The following A2M variants were observed in gnomAD, a reference collection of about 807,000 sequenced individuals.
A2M encodes C3 and PZP-like alpha-2-macroglobulin domain-containing protein 5.
A neutral mutation model predicts 183.9 loss-of-function variants in A2M; 128 were observed. The ratio of observed to expected loss-of-function variants is 0.70; its 90% confidence interval spans 0.60 to 0.81. The LOEUF (loss-of-function observed/expected upper bound fraction) is 0.81, where lower values mean the gene tolerates loss of function less well. A2M is among the 30% of genes least tolerant of loss of function. The pLI, the probability that A2M is intolerant of heterozygous loss-of-function variation, is 0.00. For synonymous variants in A2M, 592 were observed against 670.8 expected (o/e 0.88, Z 1.81); for missense variants, 1,495 against 1,787.6 (o/e 0.84, Z 2.95).
At chr12:9,087,717 C>A (rs1299998734) in intron 22 of A2M, among the ~76,000 whole-genome samples, 2 of 152,040 alleles carry the variant, frequency 1.3e-5, no homozygotes, top group African/African-American at 4.8e-5. Context: ...ACATTTTATT[C>A]ATAAATCATA....
intron 15 of A2M, among the ~76,000 whole-genome samples, chr12:9,097,947 C>T (rs746760932): frequency 2.6e-5 from 4 of 152,270 alleles, no homozygotes; most frequent in African/African-American, 9.6e-5. Flanking sequence ...CTTATAAAAA[C>T]GGAAATCTGA....
At chr12:9,068,071 G>C in intron 35 of A2M, 112 bp downstream of exon 35, 1 of 1,249,328 alleles carries the variant, frequency 8.0e-7, no homozygotes, top group Non-Finnish European at 1.1e-6. Context: ...TGTGCAGTGT[G>C]AGTAATTTGA....
chr12:9,068,332 C>G (rs1268708642), intron 34 of A2M, 108 bp from the exon 35 acceptor site: 2 of 1,111,988 alleles, frequency 1.8e-6, no homozygotes, highest in South Asian at 2.9e-5. Context: ...GTGGGAAGAA[C>G]AGTATTGTAC....
intron 15 of A2M, 82 bp downstream of exon 15, chr12:9,098,525 T>C: frequency 6.8e-7 from 1 of 1,463,410 alleles, no homozygotes; most frequent in Non-Finnish European, 9.2e-7. Context: ...TAATTGATCT[T>C]ATCCTACTTA....
At chr12:9,113,615 A>T (rs182105162) in intron 1 of A2M, 72 bp from the exon 2 acceptor site, 2 of 1,414,076 alleles carry the variant, frequency 1.4e-6, no homozygotes, top group African/African-American at 2.8e-5. Flanking sequence ...ACTTTTTTCC[A>T]TCATCATAAT....
At chr12:9,110,163 G>A in intron 5 of A2M, 128 bp from the exon 6 acceptor site, 2 of 1,162,184 alleles carry the variant, frequency 1.7e-6, no homozygotes, top group Non-Finnish European at 2.4e-6. Flanking sequence ...GTGAGTAGAG[G>A]AGATGAGTTA....
At chr12:9,104,435 T>C (rs766271058) in intron 10 of A2M, 35 bp from the exon 11 acceptor site, 90 of 1,543,740 alleles carry the variant, frequency 5.8e-5, no homozygotes, top group Non-Finnish European at 7.0e-5. Flanking sequence ...GTTATATTGG[T>C]AATAACTAAT....
chr12:9,069,687 G>T, intron 33 of A2M, 58 bp downstream of exon 33: 1 of 1,349,256 alleles, frequency 7.4e-7, no homozygotes, highest in Non-Finnish European at 1.0e-6. Flanking sequence ...CTTCCCAGAT[G>T]TTCCCTTAGA....
Position 9,115,815 on chromosome 12 carries a change from A to G in A2M, c.35T>C (p.Val12Ala), listed in dbSNP as rs1226874172. ...GKNKLLHPSL[V>A]LLLLVLLPTD... is the part of the protein sequence containing the mutation. The stretch of plus-strand genomic sequence containing the variant: ...GGGCAGGAGGACCAAGAGGAGAAGA[A>G]CCAGACTTGGATGAAGGAGTTTGTT... Residue 12 changes from valine (V) to alanine (A), a missense_variant, in exon 1 of 36, where the codon GTT (valine) becomes GCT (alanine). Physicochemically the swap from Val to Ala is moderately conservative, Grantham distance 64. Coordinates refer to ENST00000318602, the MANE Select transcript of A2M (RefSeq NM_000014.6). 4 of 1,613,498 alleles carry G rather than the reference A, an allele frequency of 2.5e-6. No homozygotes were observed. Among genetic ancestry groups the G allele is most frequent in the Admixed American group, 1.7e-5 (1 of 60,006 alleles).
intron 22 of A2M, among the ~76,000 whole-genome samples, chr12:9,084,276 G>A (rs573939627): frequency 8.6e-5 from 13 of 152,014 alleles, no homozygotes; most frequent in Non-Finnish European, 1.3e-4. Context: ...AAGTAATATA[G>A]AGCCATATTC....
At chr12:9,093,786 C>T (rs1309935816) in intron 17 of A2M, among the ~76,000 whole-genome samples, 1 of 149,366 alleles carries the variant, frequency 6.7e-6, no homozygotes, top group Non-Finnish European at 1.5e-5. Context: ...AGAGGCCGGG[C>T]GCGGTGGCTC....
chr12:9,109,839 ATGCT>A, intron 6 of A2M, 24 bp downstream of exon 6: 1 of 1,560,780 alleles, frequency 6.4e-7, no homozygotes, highest in Non-Finnish European at 8.6e-7. Context: ...AAGAAAAATA[ATGCT>A]TGATGACTTT....
chr12:9,088,699 A>G (rs1949119748), intron 22 of A2M, among the ~76,000 whole-genome samples: 1 of 152,134 alleles, frequency 6.6e-6, no homozygotes, highest in African/African-American at 2.4e-5. Context: ...TCCTTCTCAA[A>G]TGTTTGATAG....
In A2M at chr12:9,079,865, A is replaced by G. The variant is rs376725505; in HGVS notation, c.2855-50T>C. ...TCATAAAGCTTGGAGATTATCATCTATCAAAGTCATTAAGCAGAAATAATT... is the reference window on the plus strand; with the variant it reads ...TCATAAAGCTTGGAGATTATCATCTGTCAAAGTCATTAAGCAGAAATAATT... On this transcript the variant is annotated intron_variant, in intron 23 of 35. Transcript: ENST00000318602. 59 of 1,446,886 alleles carry G rather than the reference A, an allele frequency of 4.1e-5. No homozygotes were observed. The African/African-American group carries it at 5.7e-4, about 14-fold the overall frequency. 89.6% of individuals were successfully genotyped at this position (1,446,886 alleles called of 1,614,324 possible).
At chr12:9,105,951 G>A (rs776872785) in intron 10 of A2M, among the ~76,000 whole-genome samples, 2 of 152,204 alleles carry the variant, frequency 1.3e-5, no homozygotes, top group African/African-American at 4.8e-5. Context: ...AGGAGATTGA[G>A]TGACTTGTAC....
At chr12:9,093,666 A>AG in intron 17 of A2M, 87 bp from the exon 18 acceptor site, 2 of 745,206 alleles carry the variant, frequency 2.7e-6, no homozygotes, top group Non-Finnish European at 4.0e-6. Context: ...AAAAAAAAAA[A>AG]CAAAAAACAA....
Position 9,077,841 on chromosome 12 carries a change from G to A in A2M, c.3136C>T (p.Leu1046=). The A allele has an allele frequency of 6.2e-7, 1 of 1,614,136 alleles. No homozygotes were observed. The highest frequency in any genetic ancestry group is 1.1e-5 in the South Asian group (1 of 91,082). Residue 1046 remains leucine, a synonymous_variant, in exon 26 of 36, where the codon CTG becomes TTG. Transcript: ENST00000318602. ...QGNTWLTAFV[L]KTFAQARAYI... The stretch of plus-strand genomic sequence containing the variant: ...GCTCGAGCTTGGGCAAAAGTCTTCA[G>A]AACAAAGGCTGTGAGCCTGACCAGG...
intron 17 of A2M, among the ~76,000 whole-genome samples, chr12:9,094,118 C>T (rs1949296393): frequency 6.6e-6 from 1 of 151,930 alleles, no homozygotes; most frequent in African/African-American, 2.4e-5. Context: ...TCCAAGTTTC[C>T]ATTGGTGTGC....
chr12:9,091,716 T>C (rs889509203), intron 18 of A2M, among the ~76,000 whole-genome samples: 1 of 152,220 alleles, frequency 6.6e-6, no homozygotes, highest in Non-Finnish European at 1.5e-5. Context: ...TAAAATGCTA[T>C]TTCACTGAGG....
Sources: allele counts gnomAD v4.1 joint callset (sites outside exome capture counted in the v4.1 genomes callset), GRCh38; gene constraint gnomAD v4.1.1; transcripts MANE v1.5; gene names NCBI Gene and HGNC (gene_info 2026-07-23, HGNC 2026-07-21).